The following CACNA1D variants were observed in gnomAD, a reference collection of about 807,000 sequenced individuals.
The protein encoded by CACNA1D is calcium voltage-gated channel subunit alpha1 D.
CACNA1D carries 55 observed loss-of-function variants against 257.1 expected under a neutral mutation model. That is an observed-to-expected ratio of 0.21 (90% CI 0.17 to 0.27). The LOEUF (loss-of-function observed/expected upper bound fraction) is 0.27. Ranked by LOEUF, CACNA1D falls within the 10% of genes least tolerant of loss-of-function variation. The probability of loss-of-function intolerance (pLI) is 1.00; values close to 1 mark genes in which losing one functional copy is unlikely to be tolerated. For synonymous variants in CACNA1D, 980 were observed against 1,014.9 expected (o/e 0.97, Z 0.65); for missense variants, 1,876 against 2,784.0 (o/e 0.67, Z 7.34).
intron 3 of CACNA1D, among the ~76,000 whole-genome samples, chr3:53,590,918 TA>T (rs2093294937): frequency 1.3e-5 from 2 of 152,240 alleles, no homozygotes; most frequent in Non-Finnish European, 2.9e-5. Context: ...CAGAAGGCCC[TA>T]CTGCCTGTCC....
chr3:53,774,128 A>G lies in CACNA1D; in HGVS notation c.4111-459A>G, dbSNP rs954758789. 1.5e-5 allele frequency: 3 copies of G among 202,836 alleles called. No homozygotes were observed. Among genetic ancestry groups the G allele is most frequent in the Non-Finnish European group, 3.0e-5 (3 of 98,856 alleles). The allele number at this position is 202,836 out of a possible 1,614,324, so 12.6% of individuals were successfully genotyped here. ...GTATCTATGCTGTCACCCTGCTCCT[A>G]TGCACATGGTGCTCCCTCCACCCGA... On this transcript the variant is annotated intron_variant, in intron 33 of 47. Transcript: ENST00000350061. This position sits in a 1 kb window ranked among gnomAD's most constrained non-coding sequence, Gnocchi z 4.3.
intron 11 of CACNA1D, 114 bp from the exon 12 acceptor site, chr3:53,722,200 T>C: frequency 9.6e-7 from 1 of 1,046,674 alleles, no homozygotes. Flanking sequence ...TTTCCTGCAC[T>C]CCCACCCCAA....
chr3:53,504,180 G>A (rs2090725361), intron 3 of CACNA1D, among the ~76,000 whole-genome samples: 1 of 152,072 alleles, frequency 6.6e-6, no homozygotes. Context: ...TTCATTTAAT[G>A]TGAATGGTAA....
chr3:53,700,862 T>C (rs2094618349), intron 8 of CACNA1D, among the ~76,000 whole-genome samples: 2 of 145,536 alleles, frequency 1.4e-5, no homozygotes, highest in African/African-American at 2.6e-5. Context: ...TTTTTTTTCC[T>C]TTCTTTCTTT....
chr3:53,778,368 C>A (rs188695308), intron 37 of CACNA1D, among the ~76,000 whole-genome samples: 2 of 152,214 alleles, frequency 1.3e-5, no homozygotes, highest in East Asian at 3.9e-4. Flanking sequence ...CAGGAACTTA[C>A]CAGGAAAAGT....
intron 2 of CACNA1D, among the ~76,000 whole-genome samples, chr3:53,497,669 A>G (rs2090409545): frequency 1.3e-5 from 2 of 152,008 alleles, no homozygotes; most frequent in Non-Finnish European, 2.9e-5. Context: ...CACTGTCTGG[A>G]TGTGTGTATA....
chr3:53,791,143 G>A, intron 40 of CACNA1D: 1 of 661,860 alleles, frequency 1.5e-6, no homozygotes. Context: ...CAGACCCAAG[G>A]CCCCAGGGAG....
chr3:53,504,448 AT>A (rs751826369), intron 3 of CACNA1D, among the ~76,000 whole-genome samples: 2 of 152,076 alleles, frequency 1.3e-5, no homozygotes, highest in East Asian at 3.9e-4. Context: ...TAGTTTTGGG[AT>A]TTGGAGACTA....
At chr3:53,623,981 A>T (rs1240970798) in intron 3 of CACNA1D, among the ~76,000 whole-genome samples, 1 of 152,216 alleles carries the variant, frequency 6.6e-6, no homozygotes, top group Non-Finnish European at 1.5e-5. Context: ...TGGCTTTTCA[A>T]CAGAGATTTT....
chr3:53,624,071 A>C (rs1170105577), intron 3 of CACNA1D, among the ~76,000 whole-genome samples: 1 of 152,218 alleles, frequency 6.6e-6, no homozygotes, highest in African/African-American at 2.4e-5. Flanking sequence ...GCTGTGTACA[A>C]GAGCTGAAAT....
intron 5 of CACNA1D, 143 bp from the exon 6 acceptor site, chr3:53,665,517 A>T: frequency 1.5e-6 from 1 of 688,756 alleles, no homozygotes; most frequent in Non-Finnish European, 2.6e-6. Context: ...ATCCAGGCTT[A>T]ATATTAATGA....
chr3:53,497,490 C>T, intron 2 of CACNA1D, 29 bp downstream of exon 2: 1 of 1,605,212 alleles, frequency 6.2e-7, no homozygotes, highest in Non-Finnish European at 8.5e-7. Flanking sequence ...AAGTCTTTCT[C>T]ATTTTCTCTT....
intron 35 of CACNA1D, 48 bp downstream of exon 35, chr3:53,776,093 A>G (rs1201924655): frequency 1.3e-6 from 2 of 1,553,664 alleles, no homozygotes; most frequent in Non-Finnish European, 1.8e-6. Flanking sequence ...ATGCTTATGT[A>G]GCAGTCAGCG....
rs199772983 is a variant in CACNA1D at position 53,722,399 on chromosome 3, G to A, written c.1591G>A (p.Val531Ile). The A allele has an allele frequency of 2.4e-5, 39 of 1,614,180 alleles. No individual in the cohort carries two copies. The highest frequency in any genetic ancestry group is 8.0e-5 in the African/African-American group (6 of 75,040). Residue 531 changes from valine (V) to isoleucine (I), a missense_variant, in exon 12 of 48, where the codon GTC becomes ATC. Physicochemically the swap from Val to Ile is conservative, Grantham distance 29. Transcript: ENST00000350061. The stretch of plus-strand genomic sequence containing the variant: ...TGTCACGTTTTACTGGCTGGTTATC[G>A]TCCTGGTGTTTCTGAACACCTTAAC... ...KSVTFYWLVI[V>I]LVFLNTLTIS... is the part of the protein sequence containing the mutation.
At chr3:53,606,877 T>C (rs1040359659) in intron 3 of CACNA1D, among the ~76,000 whole-genome samples, 9 of 152,250 alleles carry the variant, frequency 5.9e-5, no homozygotes, top group Non-Finnish European at 1.3e-4. Context: ...CTACTATAGA[T>C]TAGATTCATC....
At chr3:53,809,723 A>G in intron 46 of CACNA1D, 1 of 546,470 alleles carries the variant, frequency 1.8e-6, no homozygotes, top group East Asian at 3.1e-5. Context: ...TTCATGAATT[A>G]GCAACTGATA....
At chr3:53,505,712 C>T (rs1330361393) in intron 3 of CACNA1D, among the ~76,000 whole-genome samples, 1 of 152,176 alleles carries the variant, frequency 6.6e-6, no homozygotes, top group Non-Finnish European at 1.5e-5. Flanking sequence ...GTCTGCGGCC[C>T]TTCTTGTGCA....
chr3:53,770,085 T>C (rs2095357965), intron 31 of CACNA1D, 68 bp downstream of exon 31: 1 of 1,287,324 alleles, frequency 7.8e-7, no homozygotes, highest in Non-Finnish European at 1.1e-6. Context: ...TGTCGAGTTT[T>C]CCACTGGTTT....
Position 53,719,747 on chromosome 3 carries a change from T to C in CACNA1D, c.1479-8T>C. 1.9e-6 allele frequency: 3 copies of C among 1,613,646 alleles called. No homozygotes were observed. The highest frequency in any genetic ancestry group is 2.5e-6 in the Non-Finnish European group (3 of 1,179,498). On this transcript the variant is annotated splice_polypyrimidine_tract_variant and splice_region_variant and intron_variant, in intron 10 of 47. Transcript: ENST00000350061. Reference sequence around the variant, plus strand: ...CCAGAATCTTAACACTTTTTGTCTTTCTTTCAGTCAAGCCATCTCAAAATC... The same window carrying C: ...CCAGAATCTTAACACTTTTTGTCTTCCTTTCAGTCAAGCCATCTCAAAATC...
Sources: gnomAD v4.1 joint callset for allele counts (sites outside exome capture counted in the v4.1 genomes callset) on GRCh38, gnomAD v4.1.1 for gene constraint, Gnocchi (gnomAD v3.1) non-coding constraint, MANE v1.5 for transcripts, NCBI Gene and HGNC (gene_info 2026-07-23, HGNC 2026-07-21) for gene names.